Variants in SLC2A12 observed in about 807,000 individuals in gnomAD.
SLC2A12 encodes the protein solute carrier family 2 member 12.
Under a neutral mutation model 41.8 loss-of-function variants are expected in SLC2A12, and 23 were observed. That is an observed-to-expected ratio of 0.55 (90% CI 0.40 to 0.78). The LOEUF is 0.78. Among genes scored for constraint, SLC2A12 ranks in the 30% least tolerant of loss-of-function variants. The probability of loss-of-function intolerance (pLI) is 0.00; values close to 1 mark genes in which losing one functional copy is unlikely to be tolerated. For missense variants in SLC2A12, 654 were observed against 745.6 expected, an observed-to-expected ratio of 0.88 and a Z score of 1.43; for synonymous variants, 295 against 285.9, an observed-to-expected ratio of 1.03 and a Z score of -0.32.
rs144950387 is a variant in SLC2A12 at position 134,048,702 on chromosome 6, C to T, written c.103+3676G>A. Among the ~76,000 whole-genome samples the T allele has an allele frequency of 2.6e-3, 396 of 152,202 alleles. 2 individuals carry two copies. The highest frequency in any genetic ancestry group is 8.2e-3 in the African/African-American group (339 of 41,518). ...TTTTAAAGCACTATAATTTTTGTCA[C>T]GGGTTTTGATGCTTAATTGTTTTTA... On this transcript the variant is annotated intron_variant, in intron 1 of 4. Coordinates refer to ENST00000275230, the MANE Select transcript of SLC2A12 (RefSeq NM_145176.3).
At chr6:134,042,500 CAGAGAA>C (rs1171506776) in intron 1 of SLC2A12, among the ~76,000 whole-genome samples, 2 of 137,864 alleles carry the variant, frequency 1.5e-5, no homozygotes, top group Non-Finnish European at 3.1e-5. Context: ...GAGAGTGAGA[CAGAGAA>C]AGAGAAAGAG....
intron 2 of SLC2A12, among the ~76,000 whole-genome samples, chr6:134,012,435 T>C (rs952416256): frequency 6.6e-6 from 1 of 152,240 alleles, no homozygotes. Flanking sequence ...GAGAGAACTA[T>C]GGCAGTGGTC....
chr6:134,037,496 A>G (rs971713807), intron 1 of SLC2A12, among the ~76,000 whole-genome samples: 2 of 151,952 alleles, frequency 1.3e-5, no homozygotes, highest in Admixed American at 1.3e-4. Flanking sequence ...CTGGGACTAT[A>G]GGCGTGCACC....
At chr6:134,050,168 C>T (rs1773655175) in intron 1 of SLC2A12, among the ~76,000 whole-genome samples, 1 of 152,192 alleles carries the variant, frequency 6.6e-6, no homozygotes, top group African/African-American at 2.4e-5. Context: ...TTAAGAAAAC[C>T]ATACAGCAAG....
At chr6:134,050,038 T>C (rs975862860) in intron 1 of SLC2A12, among the ~76,000 whole-genome samples, 1 of 152,172 alleles carries the variant, frequency 6.6e-6, no homozygotes, top group African/African-American at 2.4e-5. Context: ...ACTATGGAAG[T>C]TGAAAATATG....
chr6:134,020,125 C>T (rs550124381), intron 2 of SLC2A12, among the ~76,000 whole-genome samples: 4 of 152,080 alleles, frequency 2.6e-5, no homozygotes, highest in African/African-American at 9.6e-5. Context: ...GAACAGGGGA[C>T]CAGAAAGTAA....
intron 2 of SLC2A12, among the ~76,000 whole-genome samples, chr6:134,009,397 ACTT>A (rs1368623757): frequency 2.0e-5 from 3 of 152,164 alleles, no homozygotes; most frequent in Non-Finnish European, 2.9e-5. Context: ...GAAAGAGTCT[ACTT>A]CTTTTTTGAT....
At chr6:134,003,200 G>A (rs1344436511) in intron 3 of SLC2A12, among the ~76,000 whole-genome samples, 2 of 152,188 alleles carry the variant, frequency 1.3e-5, no homozygotes, top group African/African-American at 4.8e-5. Flanking sequence ...CTGAGGTTGG[G>A]AGAAGCAGGA....
At position 134,029,420 on chromosome 6, in the gene SLC2A12, C is replaced by A; in HGVS notation, c.405G>T (p.Val135=). 6.2e-7 allele frequency: 1 copy of A among 1,614,108 alleles called. No homozygotes were observed. Among genetic ancestry groups the A allele is most frequent in the Non-Finnish European group, 8.5e-7 (1 of 1,180,034 alleles). ...TGGAGACCCCTATGGCAATGCGTCC[C>A]ACTATAAGAACCGTGTAGGATAAAC... ...ILSLSYTVLI[V]GRIAIGVSIS... is the part of the protein sequence containing the mutation. Residue 135 remains valine (V), a synonymous_variant, in exon 2 of 5, where the codon GTG becomes GTT. Coordinates refer to ENST00000275230, the MANE Select transcript of SLC2A12 (RefSeq NM_145176.3).
chr6:134,031,577 G>A (rs1777208502), intron 1 of SLC2A12, among the ~76,000 whole-genome samples: 1 of 152,180 alleles, frequency 6.6e-6, no homozygotes, highest in African/African-American at 2.4e-5. Flanking sequence ...AACACCCATT[G>A]AGAGATGTAG....
intron 2 of SLC2A12, among the ~76,000 whole-genome samples, chr6:134,016,992 T>A (rs528272047): frequency 1.3e-4 from 16 of 120,758 alleles, no homozygotes; most frequent in Non-Finnish European, 2.9e-4. Flanking sequence ...ATCTTTTTGG[T>A]AAAAAGTTTA....
chr6:133,994,600 C>T (rs571352811), intron 4 of SLC2A12, among the ~76,000 whole-genome samples: 2 of 152,200 alleles, frequency 1.3e-5, no homozygotes, highest in East Asian at 3.9e-4. Flanking sequence ...TGGTGGCGGG[C>T]ACCTGTAGTC....
Position 133,989,540 on chromosome 6 carries a change from AAAAC to A in SLC2A12, c.*1611_*1614del, listed in dbSNP as rs1316706203. The A allele has an allele frequency of 6.6e-6, 1 of 152,166 alleles. No individual in the cohort carries two copies. The highest frequency in any genetic ancestry group is 2.4e-5 in the African/African-American group (1 of 41,442). 9.4% of individuals were successfully genotyped at this position (152,166 alleles called of 1,614,324 possible). On this transcript the variant is annotated 3_prime_UTR_variant, in exon 5 of 5. Coordinates refer to ENST00000275230, the MANE Select transcript of SLC2A12 (RefSeq NM_145176.3). ...AGAACACACTTCCCTTCTCTTTCCA[AAAAC>A]AAAAAACAATGCATGCTCTGATTTG...
chr6:134,041,071 T>A (rs1777375885), intron 1 of SLC2A12, among the ~76,000 whole-genome samples: 1 of 152,222 alleles, frequency 6.6e-6, no homozygotes, highest in Non-Finnish European at 1.5e-5. Flanking sequence ...TAATTTTTTT[T>A]TCTTCCACTT....
chr6:134,045,619 T>A (rs970245711), intron 1 of SLC2A12, among the ~76,000 whole-genome samples: 2 of 152,248 alleles, frequency 1.3e-5, no homozygotes, highest in African/African-American at 4.8e-5. Flanking sequence ...TACCTGGTAG[T>A]AAATGATTGG....
intron 2 of SLC2A12, among the ~76,000 whole-genome samples, chr6:134,022,648 A>G (rs186113297): frequency 2.2e-3 from 329 of 152,350 alleles, no homozygotes; most frequent in Non-Finnish European, 4.0e-3. Flanking sequence ...AAGCCATTTG[A>G]CCTGTATGTC....
At chr6:134,035,252 C>T (rs1184971638) in intron 1 of SLC2A12, among the ~76,000 whole-genome samples, 7 of 151,802 alleles carry the variant, frequency 4.6e-5, no homozygotes, top group South Asian at 4.2e-4. Flanking sequence ...GCATTTTCCC[C>T]TGAAGCAAGT....
Position 134,006,193 on chromosome 6 carries a change from C to CAAAAAAAAAAAAAAAAAAAAAAAA in SLC2A12, c.1567+618_1567+619insTTTTTTTTTTTTTTTTTTTTTTTT, listed in dbSNP as rs571711008. 3.3e-5 allele frequency among the ~76,000 whole-genome samples: 4 copies of CAAAAAAAAAAAAAAAAAAAAAAAA among 121,598 alleles called. 1 individual carries two copies. Among genetic ancestry groups the CAAAAAAAAAAAAAAAAAAAAAAAA allele is most frequent in the Non-Finnish European group, 6.8e-5 (4 of 58,614 alleles). 79.8% of individuals were successfully genotyped at this position (121,598 alleles called of 152,430 possible). ...GACTATCGGAAAAAAAAAAAAAAAA[C>CAAAAAAAAAAAAAAAAAAAAAAAA]AAAAAAAAAAACAGAGAAACAGAGA... On this transcript the variant is annotated intron_variant, in intron 3 of 4. Transcript: ENST00000275230.
chr6:134,009,165 G>A (rs1562193554), intron 2 of SLC2A12: 2 of 152,194 alleles, frequency 1.3e-5, no homozygotes, highest in East Asian at 3.8e-4. Flanking sequence ...TGCTCAGTCT[G>A]AACTGCCAGG....
Sources: gnomAD v4.1 joint callset for allele counts (sites outside exome capture counted in the v4.1 genomes callset) on GRCh38, gnomAD v4.1.1 for gene constraint, MANE v1.5 for transcripts, NCBI Gene and HGNC (gene_info 2026-07-23, HGNC 2026-07-21) for gene names.